Variants in VGLL4 observed in about 807,000 individuals in gnomAD.
VGLL4 encodes vestigial like family member 4.
VGLL4 carries 7 observed loss-of-function variants against 21.0 expected under a neutral mutation model. The ratio of observed to expected loss-of-function variants is 0.33; its 90% CI spans 0.19 to 0.63. VGLL4 has a LOEUF of 0.63. Ranked by LOEUF, VGLL4 falls within the 20% of genes least tolerant of loss-of-function variation. The pLI is 0.78. For missense variants in VGLL4, 394 were observed against 425.7 expected (o/e 0.93, Z 0.66); for synonymous variants, 222 against 173.2 (o/e 1.28, Z -2.21).
chr3:11,702,947 T>C lies in VGLL4; in HGVS notation c.64+24A>G, dbSNP rs764827391. On this transcript the variant is annotated intron_variant, in intron 2 of 5. Transcript: ENST00000273038. ...AGGGATCATTAAAGCACTTAAGCTA[T>C]TTTATAATAGACTCCTCACTTACGT... 3.1e-6 allele frequency: 5 copies of C among 1,601,464 alleles called. No homozygotes were observed. In the South Asian group the frequency reaches 4.5e-5, roughly 15 times the overall value.
intron 2 of VGLL4, among the ~76,000 whole-genome samples, chr3:11,585,665 A>G (rs1397699456): frequency 6.6e-6 from 1 of 152,220 alleles, no homozygotes; most frequent in African/African-American, 2.4e-5. Context: ...CTAGACAGAG[A>G]TGAGCCTTTG....
intron 2 of VGLL4, among the ~76,000 whole-genome samples, chr3:11,661,585 C>G (rs1385438954): frequency 6.6e-6 from 1 of 152,028 alleles, no homozygotes; most frequent in Non-Finnish European, 1.5e-5. Flanking sequence ...ATTCTCCTGC[C>G]TCAGCCTCCT....
intron 2 of VGLL4, among the ~76,000 whole-genome samples, chr3:11,570,422 G>C (rs1005191368): frequency 2.0e-5 from 3 of 152,240 alleles, no homozygotes; most frequent in African/African-American, 7.2e-5. Context: ...TTCTCAGTCA[G>C]TAAGCTTCTG....
intron 1 of VGLL4, among the ~76,000 whole-genome samples, chr3:11,710,263 C>T (rs576959095): frequency 7.2e-5 from 11 of 152,282 alleles, no homozygotes; most frequent in Non-Finnish European, 4.4e-5. Flanking sequence ...AACCAAATCA[C>T]TTGGGAACAG....
chr3:11,691,295 A>T (rs1309363016), intron 2 of VGLL4, among the ~76,000 whole-genome samples: 3 of 151,212 alleles, frequency 2.0e-5, no homozygotes, highest in African/African-American at 7.3e-5. Flanking sequence ...ACTCACATGG[A>T]ATTTTAAAAA....
chr3:11,672,002 G>A (rs2076224426), intron 2 of VGLL4, among the ~76,000 whole-genome samples: 1 of 152,138 alleles, frequency 6.6e-6, no homozygotes, highest in Admixed American at 6.5e-5. Flanking sequence ...CTGCTTGCCA[G>A]GTAGATGCAA....
At chr3:11,655,806 G>A (rs1319142589) in intron 2 of VGLL4, among the ~76,000 whole-genome samples, 2 of 152,192 alleles carry the variant, frequency 1.3e-5, no homozygotes, top group African/African-American at 4.8e-5. Context: ...GAGGACGCAG[G>A]CAGGTGTCAT....
At chr3:11,691,612 T>TA (rs1183693523) in intron 2 of VGLL4, among the ~76,000 whole-genome samples, 6 of 152,256 alleles carry the variant, frequency 3.9e-5, no homozygotes, top group African/African-American at 1.4e-4. Flanking sequence ...GGACAGGAGT[T>TA]ACGGGCCTTC....
At chr3:11,626,083 TAAAG>T (rs993234181) in intron 1 of VGLL4, among the ~76,000 whole-genome samples, 1 of 152,218 alleles carries the variant, frequency 6.6e-6, no homozygotes, top group African/African-American at 2.4e-5. Context: ...AATCTTAACT[TAAAG>T]AAACTATCAT....
At chr3:11,624,515 G>T (rs1044968497) in intron 1 of VGLL4, among the ~76,000 whole-genome samples, 3 of 152,006 alleles carry the variant, frequency 2.0e-5, no homozygotes, top group Non-Finnish European at 4.4e-5. Flanking sequence ...AAATAATGAC[G>T]TCTTTCTCTA....
intron 2 of VGLL4, among the ~76,000 whole-genome samples, chr3:11,664,566 G>A (rs189243751): frequency 4.6e-5 from 7 of 152,312 alleles, no homozygotes; most frequent in Admixed American, 2.0e-4. Flanking sequence ...TGGCAGGGAC[G>A]GTGGCTGAGA....
rs745411133 is a variant in VGLL4 at position 11,643,607 on chromosome 3, C to A, written c.-89G>T. 1.3e-6 allele frequency: 2 copies of A among 1,589,838 alleles called. No individual in the cohort carries two copies. Among genetic ancestry groups the A allele is most frequent in the Non-Finnish European group, 1.7e-6 (2 of 1,170,566 alleles). On this transcript the variant is annotated 5_prime_UTR_variant, in exon 1 of 5. Transcript: ENST00000430365. ...TCAATTGTTGCTGAGTAGCTCCTGG[C>A]TCTTCAACTTCACAAAGGCAGAGGC... is the stretch of plus-strand genomic sequence containing the variant.
chr3:11,607,926 G>T (rs921774811), intron 1 of VGLL4, among the ~76,000 whole-genome samples: 1 of 152,122 alleles, frequency 6.6e-6, no homozygotes, highest in African/African-American at 2.4e-5. Flanking sequence ...TCAGTGTGTC[G>T]AGTGCCTGTG....
intron 2 of VGLL4, among the ~76,000 whole-genome samples, chr3:11,597,431 A>G (rs2074672318): frequency 6.6e-6 from 1 of 152,178 alleles, no homozygotes; most frequent in Non-Finnish European, 1.5e-5. Flanking sequence ...GAACCAACCC[A>G]ACAGTGTCAT....
chr3:11,683,159 G>A (rs958500124), intron 2 of VGLL4, among the ~76,000 whole-genome samples: 7 of 151,516 alleles, frequency 4.6e-5, no homozygotes, highest in African/African-American at 1.5e-4. Context: ...CCTGGGAAGC[G>A]GAGGTTGCAG....
At chr3:11,622,643 C>G (rs2125302463) in intron 1 of VGLL4, among the ~76,000 whole-genome samples, 1 of 152,328 alleles carries the variant, frequency 6.6e-6, no homozygotes, top group East Asian at 1.9e-4. Flanking sequence ...ATATTAACTT[C>G]TAGCAAATTA....
Position 11,558,476 on chromosome 3 carries a change from T to C in VGLL4, c.*80A>G. The C allele has an allele frequency of 9.0e-6, 3 of 331,906 alleles. No individual in the cohort carries two copies. Among genetic ancestry groups the C allele is most frequent in the African/African-American group, 2.5e-5 (1 of 40,160 alleles). The allele number at this position is 331,906 out of a possible 1,614,324, so 20.6% of individuals were successfully genotyped here. On this transcript the variant is annotated 3_prime_UTR_variant, in exon 5 of 5. Transcript: ENST00000430365. ...CCTTCCCCCCACCCCACCCCCATGA[T>C]TTTTTTTTTTTTAAGTACTGACTGT...
intron 1 of VGLL4, among the ~76,000 whole-genome samples, chr3:11,717,632 C>CG (rs1420008924): frequency 6.6e-6 from 1 of 151,582 alleles, no homozygotes; most frequent in Non-Finnish European, 1.5e-5. Flanking sequence ...TGAAACACCG[C>CG]GCCCGGCCCA....
chr3:11,612,533 A>T (rs11128558), intron 1 of VGLL4: 145,132 of 152,332 alleles, frequency 0.95, 69,249 homozygotes, highest in African/African-American at 0.99. Flanking sequence ...ACAAAAAAGA[A>T]TGAACACTCA....
Sources: gnomAD v4.1 joint callset for allele counts (sites outside exome capture counted in the v4.1 genomes callset) on GRCh38, gnomAD v4.1.1 for gene constraint, MANE v1.5 for transcripts, NCBI Gene and HGNC (gene_info 2026-07-23, HGNC 2026-07-21) for gene names.